PSD3: variants seen among roughly 807,000 people sequenced by gnomAD.
PSD3 encodes pleckstrin and Sec7 domain containing 3.
A neutral mutation model predicts 105.5 loss-of-function variants in PSD3; 49 were observed. The ratio of observed to expected loss-of-function variants is 0.46; its 90% CI spans 0.37 to 0.59. PSD3 has a LOEUF of 0.59. PSD3 is among the 20% of genes least tolerant of loss of function. The probability of loss-of-function intolerance (pLI) is 0.00; values close to 1 mark genes in which losing one functional copy is unlikely to be tolerated. For missense variants in PSD3, 1,561 were observed against 1,263.8 expected (o/e 1.24, Z -3.57); for synonymous variants, 557 against 457.8 (o/e 1.22, Z -2.77).
chr8:18,651,183 C>T (rs1244410606), intron 10 of PSD3, among the ~76,000 whole-genome samples: 1 of 152,204 alleles, frequency 6.6e-6, no homozygotes, highest in Non-Finnish European at 1.5e-5. Flanking sequence ...GGGTCCCCAA[C>T]AATTTTCAGT....
intron 10 of PSD3, among the ~76,000 whole-genome samples, chr8:18,635,835 G>A (rs558400893): frequency 2.1e-4 from 30 of 146,244 alleles, no homozygotes; most frequent in Non-Finnish European, 3.4e-4. Context: ...GTTGAACAAT[G>A]AGAACATTTG....
intron 1 of PSD3, among the ~76,000 whole-genome samples, chr8:18,945,132 T>C (rs1822781072): frequency 6.6e-6 from 1 of 151,974 alleles, no homozygotes; most frequent in Non-Finnish European, 1.5e-5. Flanking sequence ...TAAATAAAGG[T>C]CCTCCCCCAC....
chr8:18,953,310 T>C (rs1275113410), intron 1 of PSD3, among the ~76,000 whole-genome samples: 3 of 130,070 alleles, frequency 2.3e-5, no homozygotes, highest in Non-Finnish European at 5.2e-5. Context: ...CATATGTGTG[T>C]GTATGTTGTG....
chr8:18,851,447 G>C (rs1336448162), intron 4 of PSD3, among the ~76,000 whole-genome samples: 1 of 152,208 alleles, frequency 6.6e-6, no homozygotes, highest in Non-Finnish European at 1.5e-5. Context: ...GGAACCCAAA[G>C]CAGGCTCTGT....
chr8:19,002,160 TAA>T (rs1331834946), intron 1 of PSD3, among the ~76,000 whole-genome samples: 1 of 152,046 alleles, frequency 6.6e-6, no homozygotes, highest in African/African-American at 2.4e-5. Flanking sequence ...TTAGAACTGC[TAA>T]AGCTGTTGGC....
In PSD3 at chr8:18,752,571, ATATAATTATATATAT is replaced by A. The variant is rs1294912172; in HGVS notation, c.2172+12863_2172+12877del. On this transcript the variant is annotated intron_variant, in intron 9 of 15. Coordinates refer to ENST00000327040, the MANE Select transcript of PSD3 (RefSeq NM_015310.4). Reference sequence around the variant, plus strand: ...TTATATATAATTATATATATTATATATATAATTATATATATTATATATTATATATTATATATAATA... The same window carrying A: ...TTATATATAATTATATATATTATATATATATATTATATATTATATATAATA... Among the ~76,000 whole-genome samples the A allele has an allele frequency of 7.9e-4, 65 of 82,244 alleles. 1 individual carries two copies. Among genetic ancestry groups the A allele is most frequent in the African/African-American group, 3.8e-3 (54 of 14,260 alleles). 54.0% of individuals were successfully genotyped at this position (82,244 alleles called of 152,430 possible). A position where few individuals can be genotyped will look rare whatever the true frequency, so the allele number is the denominator to read the frequency against.
At chr8:19,002,544 G>A (rs1368324845) in intron 1 of PSD3, among the ~76,000 whole-genome samples, 1 of 151,770 alleles carries the variant, frequency 6.6e-6, no homozygotes, top group East Asian at 1.9e-4. Context: ...TCTTTTATGT[G>A]CAGTTTTTCT....
At chr8:18,876,642 C>T (rs1449143261) in intron 2 of PSD3, among the ~76,000 whole-genome samples, 2 of 152,128 alleles carry the variant, frequency 1.3e-5, no homozygotes, top group Non-Finnish European at 2.9e-5. Flanking sequence ...TCAAAGGATA[C>T]GCCTGCCTCG....
chr8:18,734,298 C>T (rs560338678), intron 9 of PSD3: 1 of 152,164 alleles, frequency 6.6e-6, no homozygotes, highest in African/African-American at 2.4e-5. Flanking sequence ...AAGAGTTGTA[C>T]TATAACTTTT....
At chr8:18,993,151 T>C (rs1825895020) in intron 1 of PSD3, among the ~76,000 whole-genome samples, 1 of 152,190 alleles carries the variant, frequency 6.6e-6, no homozygotes, top group African/African-American at 2.4e-5. Context: ...TTTTCTGTAG[T>C]CCTCAGAGAA....
At chr8:19,004,176 G>A (rs1364678104) in intron 1 of PSD3, among the ~76,000 whole-genome samples, 1 of 151,988 alleles carries the variant, frequency 6.6e-6, no homozygotes. Context: ...GTCTAATCCA[G>A]GAGGAGAAGA....
chr8:18,853,015 T>C (rs551477470), intron 4 of PSD3, among the ~76,000 whole-genome samples: 1 of 152,232 alleles, frequency 6.6e-6, no homozygotes, highest in East Asian at 1.9e-4. Context: ...GAGACCAAAC[T>C]GTAAGGAGTA....
At chr8:19,052,195 C>T (rs766531258) in intron 1 of PSD3, among the ~76,000 whole-genome samples, 11 of 152,024 alleles carry the variant, frequency 7.2e-5, no homozygotes, top group South Asian at 2.1e-4. Context: ...GAAAAGTGGC[C>T]GGGCACGGTG....
chr8:18,784,985 C>T (rs1808994243), intron 8 of PSD3, among the ~76,000 whole-genome samples: 1 of 152,128 alleles, frequency 6.6e-6, no homozygotes, highest in Admixed American at 6.5e-5. Flanking sequence ...ACCCTCTAAT[C>T]ACATGGTTAT....
At chr8:18,607,813 C>G (rs1374829974) in intron 11 of PSD3, among the ~76,000 whole-genome samples, 1 of 151,930 alleles carries the variant, frequency 6.6e-6, no homozygotes, top group African/African-American at 2.4e-5. Flanking sequence ...CACAGTTCAG[C>G]ATGGCTGGGG....
intron 15 of PSD3, among the ~76,000 whole-genome samples, chr8:18,555,298 T>C (rs751391541): frequency 3.3e-5 from 5 of 152,028 alleles, no homozygotes; most frequent in South Asian, 2.1e-4. Flanking sequence ...TTAGAAGATT[T>C]TAAATTTCAA....
chr8:18,836,212 G>A (rs536258358), intron 4 of PSD3, among the ~76,000 whole-genome samples: 4 of 152,268 alleles, frequency 2.6e-5, no homozygotes, highest in South Asian at 2.1e-4. Flanking sequence ...CTGAACTCAC[G>A]TTTGATGCAG....
At chr8:18,750,140 T>A (rs1328738177) in intron 9 of PSD3, among the ~76,000 whole-genome samples, 1 of 152,172 alleles carries the variant, frequency 6.6e-6, no homozygotes, top group Admixed American at 6.5e-5. Flanking sequence ...TCATATTATA[T>A]CCTATTTAAT....
At chr8:18,566,724 T>G (rs926899508) in intron 14 of PSD3, among the ~76,000 whole-genome samples, 1 of 152,196 alleles carries the variant, frequency 6.6e-6, no homozygotes, top group Non-Finnish European at 1.5e-5. Context: ...TGCAGGATAT[T>G]TCTTTTTGGT....
Sources: allele counts gnomAD v4.1 joint callset (sites outside exome capture counted in the v4.1 genomes callset), GRCh38; gene constraint gnomAD v4.1.1; transcripts MANE v1.5; gene names NCBI Gene and HGNC (gene_info 2026-07-23, HGNC 2026-07-21).